The following AGBL1 variants were observed in gnomAD, a reference collection of about 807,000 sequenced individuals.
The protein encoded by AGBL1 is cytosolic carboxypeptidase 4.
A neutral mutation model predicts 118.9 loss-of-function variants in AGBL1; 130 were observed. The observed-to-expected ratio is 1.09, with a 90% CI of 0.95 to 1.26. The LOEUF (loss-of-function observed/expected upper bound fraction) is 1.26. Ranked by LOEUF, AGBL1 falls within the 50% of genes most tolerant of loss-of-function variation. AGBL1 has a pLI of 0.00. For missense variants in AGBL1, 1,584 were observed against 1,298.1 expected (o/e 1.22, Z -3.38); for synonymous variants, 555 against 478.9 (o/e 1.16, Z -2.08).
chr15:86,588,219 G>A (rs1340141385), intron 21 of AGBL1, among the ~76,000 whole-genome samples: 2 of 152,152 alleles, frequency 1.3e-5, no homozygotes, highest in Admixed American at 1.3e-4. Context: ...GATGAGCCTG[G>A]GTTGGCTACT....
chr15:86,705,244 G>T (rs2086428934), intron 22 of AGBL1, among the ~76,000 whole-genome samples: 1 of 152,112 alleles, frequency 6.6e-6, no homozygotes, highest in African/African-American at 2.4e-5. Flanking sequence ...CATGGCACAT[G>T]TATACCTGTA....
chr15:86,392,975 A>T (rs771913671), intron 17 of AGBL1, among the ~76,000 whole-genome samples: 1 of 152,194 alleles, frequency 6.6e-6, no homozygotes, highest in Non-Finnish European at 1.5e-5. Context: ...GTTGTCCATT[A>T]TGAGTTCTCT....
chr15:86,210,280 A>G (rs2078069805), intron 5 of AGBL1, among the ~76,000 whole-genome samples: 1 of 152,052 alleles, frequency 6.6e-6, no homozygotes, highest in Non-Finnish European at 1.5e-5. Flanking sequence ...GGCGAACCTG[A>G]CAATTATGTG....
intron 22 of AGBL1, among the ~76,000 whole-genome samples, chr15:86,833,247 A>G (rs963236543): frequency 2.0e-5 from 3 of 152,118 alleles, no homozygotes; most frequent in Non-Finnish European, 1.5e-5. Flanking sequence ...CCTTGGGCAC[A>G]TGCCCATGAG....
intron 3 of AGBL1, among the ~76,000 whole-genome samples, chr15:86,146,560 G>A (rs192378364): frequency 2.0e-3 from 310 of 152,302 alleles, no homozygotes; most frequent in African/African-American, 7.4e-3. Flanking sequence ...CATATGTTCA[G>A]TGCCCTGGCA....
At chr15:86,436,171 T>C (rs1295723265) in intron 18 of AGBL1, among the ~76,000 whole-genome samples, 2 of 149,982 alleles carry the variant, frequency 1.3e-5, no homozygotes, top group Non-Finnish European at 3.0e-5. Context: ...AATTATTGTC[T>C]TACCGCTCTC....
At chr15:86,108,368 AATAG>A (rs1261278646) in intron 1 of AGBL1, among the ~76,000 whole-genome samples, 8 of 152,040 alleles carry the variant, frequency 5.3e-5, no homozygotes, top group Admixed American at 2.0e-4. Context: ...TAAATAGATA[AATAG>A]ATAGATACAG....
chr15:86,728,568 G>T (rs986226622), intron 22 of AGBL1, among the ~76,000 whole-genome samples: 1 of 151,898 alleles, frequency 6.6e-6, no homozygotes, highest in South Asian at 2.1e-4. Flanking sequence ...CTGAAGCCTG[G>T]GGCTAAATAA....
chr15:86,301,080 A>T (rs1228653198), intron 17 of AGBL1, among the ~76,000 whole-genome samples: 2 of 152,180 alleles, frequency 1.3e-5, no homozygotes, highest in Non-Finnish European at 2.9e-5. Flanking sequence ...GGTGTGAAGA[A>T]CAGAGCTTTC....
intron 24 of AGBL1, among the ~76,000 whole-genome samples, chr15:87,023,639 C>A (rs1333392740): frequency 1.3e-5 from 2 of 152,026 alleles, no homozygotes; most frequent in Non-Finnish European, 2.9e-5. Flanking sequence ...ATGGACTTAA[C>A]AGATATATAC....
intron 22 of AGBL1, among the ~76,000 whole-genome samples, chr15:86,824,287 A>G (rs908138846): frequency 1.3e-5 from 2 of 152,130 alleles, no homozygotes; most frequent in African/African-American, 4.8e-5. Context: ...ATTTTTCTAT[A>G]CTAAAAATGA....
chr15:86,349,477 A>C (rs1157433568), intron 17 of AGBL1, among the ~76,000 whole-genome samples: 1 of 152,146 alleles, frequency 6.6e-6, no homozygotes, highest in Non-Finnish European at 1.5e-5. Flanking sequence ...CCTGATTCCT[A>C]TACGTTATTT....
chr15:86,840,170 CTT>C (rs2079224925), intron 22 of AGBL1, among the ~76,000 whole-genome samples: 1 of 152,144 alleles, frequency 6.6e-6, no homozygotes, highest in South Asian at 2.1e-4. Context: ...TTCATCAAAT[CTT>C]TGCGTTTGTC....
chr15:86,091,835 C>T (rs890864607), intron 1 of AGBL1, among the ~76,000 whole-genome samples: 3 of 152,122 alleles, frequency 2.0e-5, no homozygotes, highest in South Asian at 4.2e-4. Context: ...CAATATTCTT[C>T]CTATGTCCAT....
In AGBL1 at chr15:86,978,475, AC is replaced by A. The variant is rs2081196792; in HGVS notation, c.3222-9511del. On this transcript the variant is annotated intron_variant, in intron 23 of 24. Transcript: ENST00000441037. ...GTCTATGAGCTGCAGAGCCTGACTT[AC>A]AAAGCTGGGGGTTTAAGTACTCGTG... 3.3e-5 allele frequency among the ~76,000 whole-genome samples: 5 copies of A among 152,372 alleles called. No homozygotes were observed. In the South Asian group the frequency reaches 1.0e-3, roughly 32 times the overall value.
intron 18 of AGBL1, among the ~76,000 whole-genome samples, chr15:86,427,303 C>T (rs4461045): frequency 0.13 from 19,660 of 151,882 alleles, 1,347 homozygotes; most frequent in Admixed American, 0.17. Context: ...TGTTCACAGC[C>T]GAAAAACAGA....
intron 5 of AGBL1, among the ~76,000 whole-genome samples, chr15:86,168,313 A>G (rs2077370096): frequency 6.6e-6 from 1 of 152,220 alleles, no homozygotes; most frequent in Admixed American, 6.5e-5. Flanking sequence ...GATTTGAAAT[A>G]GGGAAGGAAT....
At chr15:86,856,516 TCA>T (rs1231229704) in intron 22 of AGBL1, among the ~76,000 whole-genome samples, 2 of 152,316 alleles carry the variant, frequency 1.3e-5, no homozygotes, top group Admixed American at 1.3e-4. Context: ...TATGGTTCCT[TCA>T]CACAGTTATT....
intron 24 of AGBL1, chr15:87,028,758 T>G (rs1188523274): frequency 6.6e-7 from 1 of 1,504,238 alleles, no homozygotes; most frequent in African/African-American, 1.4e-5. Context: ...TTGCCAAACT[T>G]GTGGCACAAA....
Sources: allele counts gnomAD v4.1 joint callset (sites outside exome capture counted in the v4.1 genomes callset), GRCh38; gene constraint gnomAD v4.1.1; transcripts MANE v1.5; gene names NCBI Gene and HGNC (gene_info 2026-07-23, HGNC 2026-07-21).